Variants in CNBD1 observed in about 807,000 individuals in gnomAD.
CNBD1 encodes the protein cyclic nucleotide binding domain containing 1.
A neutral mutation model predicts 54.4 loss-of-function variants in CNBD1; 71 were observed. That is an observed-to-expected ratio of 1.30 (90% CI 1.08 to 1.59). The LOEUF (loss-of-function observed/expected upper bound fraction) is 1.59, where lower values mean the gene tolerates loss of function less well. CNBD1 is among the 40% of genes most tolerant of loss of function. CNBD1 has a pLI of 0.00. For synonymous variants in CNBD1, 182 were observed against 170.7 expected (o/e 1.07, Z -0.51); for missense variants, 659 against 518.0 (o/e 1.27, Z -2.64).
At chr8:87,391,984 A>T (rs375059953) in intron 2 of CNBD1, among the ~76,000 whole-genome samples, 10 of 152,204 alleles carry the variant, frequency 6.6e-5, no homozygotes, top group African/African-American at 2.4e-4. Flanking sequence ...CAACTGTGTA[A>T]TTAAAAATTA....
intron 4 of CNBD1, among the ~76,000 whole-genome samples, chr8:87,094,382 T>A (rs1727990504): frequency 6.6e-6 from 1 of 151,594 alleles, no homozygotes; most frequent in South Asian, 2.1e-4. Flanking sequence ...TTTTTAAAAT[T>A]TTTTTATTTT....
intron 4 of CNBD1, 159 bp downstream of exon 4, chr8:86,939,913 A>G: frequency 2.1e-6 from 1 of 474,958 alleles, no homozygotes; most frequent in Non-Finnish European, 3.7e-6. Context: ...TTGTTTCTAT[A>G]TAAATACAGT....
At chr8:86,916,273 C>T (rs4960995) in intron 3 of CNBD1, among the ~76,000 whole-genome samples, 47,283 of 151,916 alleles carry the variant, frequency 0.31, 7,538 homozygotes, top group East Asian at 0.42. Context: ...AATGAAAAGA[C>T]GTAAAGTACA....
At chr8:86,884,505 C>T (rs1231344771) in intron 1 of CNBD1, among the ~76,000 whole-genome samples, 2 of 152,094 alleles carry the variant, frequency 1.3e-5, no homozygotes, top group Admixed American at 6.5e-5. Flanking sequence ...TGGGTAGATA[C>T]ACTATGAACC....
At chr8:87,350,548 G>A (rs1274258015) in intron 8 of CNBD1, among the ~76,000 whole-genome samples, 1 of 151,576 alleles carries the variant, frequency 6.6e-6, no homozygotes, top group Non-Finnish European at 1.5e-5. Flanking sequence ...ATTATGCTGT[G>A]CTCTAATTTC....
chr8:87,342,264 C>T (rs911699905), intron 8 of CNBD1, among the ~76,000 whole-genome samples: 4 of 138,438 alleles, frequency 2.9e-5, no homozygotes, highest in African/African-American at 8.7e-5. Context: ...CAGAGCAAGA[C>T]TCCATCTCAA....
At chr8:87,042,836 T>TA (rs1402968755) in intron 4 of CNBD1, among the ~76,000 whole-genome samples, 1 of 152,122 alleles carries the variant, frequency 6.6e-6, no homozygotes, top group Non-Finnish European at 1.5e-5. Flanking sequence ...TATATTTTTA[T>TA]AAATTCCTCT....
intron 3 of CNBD1, among the ~76,000 whole-genome samples, chr8:86,927,211 G>A (rs979017852): frequency 5.3e-5 from 8 of 152,086 alleles, no homozygotes; most frequent in African/African-American, 1.9e-4. Flanking sequence ...CAAACTGAGT[G>A]GCTCTGTATT....
rs574604953 is a variant in CNBD1, at chr8:87,027,698, T to C, written c.431+87944T>C. Reference sequence around the variant, plus strand: ...CCCAACCCTTTTTAGTATAGCAACATAAAAGCCTAAATACACGGGACTCCG... The same window carrying C: ...CCCAACCCTTTTTAGTATAGCAACACAAAAGCCTAAATACACGGGACTCCG... On this transcript the variant is annotated intron_variant, in intron 4 of 10. Coordinates refer to ENST00000518476, the MANE Select transcript of CNBD1 (RefSeq NM_173538.3). 9.8e-5 allele frequency among the ~76,000 whole-genome samples: 15 copies of C among 152,292 alleles called. No individual in the cohort carries two copies. The East Asian group carries it at 2.7e-3, about 27-fold the overall frequency.
intron 3 of CNBD1, among the ~76,000 whole-genome samples, chr8:86,936,414 A>G (rs1178357187): frequency 6.6e-6 from 1 of 152,168 alleles, no homozygotes; most frequent in African/African-American, 2.4e-5. Context: ...AAATCTTATC[A>G]TGGAACATGT....
intron 5 of CNBD1, among the ~76,000 whole-genome samples, chr8:87,210,610 A>G (rs1814076487): frequency 6.6e-6 from 1 of 152,144 alleles, no homozygotes; most frequent in Non-Finnish European, 1.5e-5. Context: ...AGGGGCCCAT[A>G]TATAGCTTGG....
chr8:87,382,119 A>G (rs975860408), intron 10 of CNBD1, among the ~76,000 whole-genome samples: 2 of 151,902 alleles, frequency 1.3e-5, no homozygotes, highest in African/African-American at 4.8e-5. Context: ...AAACAAATAT[A>G]GACATATAAT....
At chr8:87,314,954 T>C (rs1005227752) in intron 8 of CNBD1, among the ~76,000 whole-genome samples, 2 of 152,194 alleles carry the variant, frequency 1.3e-5, no homozygotes, top group Admixed American at 1.3e-4. Context: ...CTAAATTCAT[T>C]AGCCCAACGT....
rs1189761530 is a variant in CNBD1, at chr8:86,884,166, CA to C, written c.89-3372del. On this transcript the variant is annotated intron_variant, in intron 1 of 10. Transcript: ENST00000518476. ...GACTCCGTCTCAAAACAAAACAAAA[CA>C]AAACAAAACAAAAAAACCTTGCCCC... 6.1e-3 allele frequency among the ~76,000 whole-genome samples: 910 copies of C among 149,880 alleles called. 18 individuals carry two copies. Among genetic ancestry groups the C allele is most frequent in the African/African-American group, 0.021 (837 of 40,792 alleles).
intron 10 of CNBD1, among the ~76,000 whole-genome samples, chr8:87,358,881 G>C (rs748174583): frequency 6.6e-6 from 1 of 152,152 alleles, no homozygotes; most frequent in Non-Finnish European, 1.5e-5. Context: ...GGCCATCTTA[G>C]CTGAAGAAGA....
intron 4 of CNBD1, among the ~76,000 whole-genome samples, chr8:87,130,907 G>A (rs957944026): frequency 6.6e-6 from 1 of 151,572 alleles, no homozygotes; most frequent in Non-Finnish European, 1.5e-5. Context: ...TGTTAGATAT[G>A]TGCATATCTA....
intron 4 of CNBD1, among the ~76,000 whole-genome samples, chr8:86,970,536 G>C (rs1808196149): frequency 6.6e-6 from 1 of 152,006 alleles, no homozygotes; most frequent in African/African-American, 2.4e-5. Flanking sequence ...GAAGTTTCAG[G>C]TATGAATGAT....
At chr8:87,119,289 T>C (rs960877993) in intron 4 of CNBD1, among the ~76,000 whole-genome samples, 1 of 151,982 alleles carries the variant, frequency 6.6e-6, no homozygotes, top group Admixed American at 6.5e-5. Flanking sequence ...TTCTTGTAGA[T>C]ACCTTTTACT....
intron 10 of CNBD1, among the ~76,000 whole-genome samples, chr8:87,372,803 T>C (rs1810841843): frequency 6.6e-6 from 1 of 151,808 alleles, no homozygotes; most frequent in African/African-American, 2.4e-5. Flanking sequence ...TAGAACAAAT[T>C]TATTTCTGTA....
Sources: allele counts gnomAD v4.1 joint callset (sites outside exome capture counted in the v4.1 genomes callset), GRCh38; gene constraint gnomAD v4.1.1; transcripts MANE v1.5; gene names NCBI Gene and HGNC (gene_info 2026-07-23, HGNC 2026-07-21).